The following LPIN1 variants were observed in gnomAD, a reference collection of about 807,000 sequenced individuals.
LPIN1 encodes the protein lipin 1.
Under a neutral mutation model 107.5 loss-of-function variants are expected in LPIN1, and 71 were observed. The ratio of observed to expected loss-of-function variants is 0.66; its 90% CI spans 0.55 to 0.80. The LOEUF is 0.80. Among genes scored for constraint, LPIN1 ranks in the 30% least tolerant of loss-of-function variants. LPIN1 has a pLI of 0.00. For missense variants in LPIN1, 1,043 were observed against 1,160.6 expected, an observed-to-expected ratio of 0.90 and a Z score of 1.47; for synonymous variants, 445 against 452.6, an observed-to-expected ratio of 0.98 and a Z score of 0.21.
rs567340134 is a variant in LPIN1, at chr2:11,680,816, G to C, written c.81+3088G>C. Among the ~76,000 whole-genome samples, 9 of 152,270 alleles carry C rather than the reference G, an allele frequency of 5.9e-5. No homozygotes were observed. In the South Asian group the frequency reaches 1.9e-3, roughly 32 times the overall value. ...TCAGGCACCCTGCCTATGAAAGATA[G>C]CAGGCAGTCACGGGCCGAATATGTA... On this transcript the variant is annotated intron_variant, in intron 1 of 21. Coordinates refer to the LPIN1 transcript ENST00000449576.
intron 1 of LPIN1, 81 bp downstream of exon 1, chr2:11,746,752 G>C (rs1666998758): frequency 3.1e-5 from 24 of 762,764 alleles, no homozygotes; most frequent in Non-Finnish European, 3.5e-5. Context: ...CGCGGCGCCG[G>C]GGCGCTGAGG....
chr2:11,760,003 C>CA (rs1669477081), intron 1 of LPIN1, among the ~76,000 whole-genome samples: 1 of 118,696 alleles, frequency 8.4e-6, no homozygotes. Context: ...ACTTCTCAGA[C>CA]GGGGCGGCCG....
chr2:11,771,704 G>A lies in LPIN1; in HGVS notation c.596+25G>A. The A allele has an allele frequency of 6.4e-7, 1 of 1,565,580 alleles. No homozygotes were observed. Among genetic ancestry groups the A allele is most frequent in the Non-Finnish European group, 8.7e-7 (1 of 1,153,254 alleles). ...GGTAATAACTGTCCAGGGTGGAGGG[G>A]CTGTGCCAGAATCAGACAGTTAACT... On this transcript the variant is annotated intron_variant, in intron 4 of 20. Transcript: ENST00000674199. This position sits in a 1 kb window ranked among gnomAD's most constrained non-coding sequence, Gnocchi z 4.8.
At chr2:11,822,150 G>T (rs1448183236) in intron 20 of LPIN1, among the ~76,000 whole-genome samples, 1 of 152,040 alleles carries the variant, frequency 6.6e-6, no homozygotes, top group Non-Finnish European at 1.5e-5. Context: ...AAGGATTTAG[G>T]CTGGGCACGA....
chr2:11,759,137 CTTTCTTT>C lies in LPIN1; in HGVS notation c.-9-6395_-9-6389del, dbSNP rs1669158026. On this transcript the variant is annotated intron_variant, in intron 1 of 20. Coordinates refer to ENST00000674199, the MANE Select transcript of LPIN1 (RefSeq NM_001349206.2). ...CTAGCTAGCTTGCTTTCTTTCTTTT[CTTTCTTT>C]CTTTCTTTCTTTCTTTCTTTCTTTC... is the stretch of plus-strand genomic sequence containing the variant. Among the ~76,000 whole-genome samples the C allele has an allele frequency of 1.3e-4, 5 of 39,658 alleles. No individual in the cohort carries two copies. The East Asian group carries it at 2.8e-3, about 22-fold the overall frequency. 26.0% of individuals were successfully genotyped at this position (39,658 alleles called of 152,430 possible).
chr2:11,718,029 C>G (rs900252669), intron 2 of LPIN1, among the ~76,000 whole-genome samples: 1 of 152,170 alleles, frequency 6.6e-6, no homozygotes, highest in African/African-American at 2.4e-5. Flanking sequence ...GTAGGTAACC[C>G]TGTTTTCCCA....
intron 1 of LPIN1, among the ~76,000 whole-genome samples, chr2:11,759,133 T>TTTCTTTC (rs1487717396): frequency 1.7e-4 from 23 of 131,534 alleles, no homozygotes; most frequent in African/African-American, 5.2e-4. Flanking sequence ...GCTTTCTTTC[T>TTTCTTTC]TTTCTTTCTT....
At chr2:11,724,335 C>T (rs938475910) in exon 1 of LPIN1, 33 of 985,620 alleles carry the variant, frequency 3.3e-5, no homozygotes, top group African/African-American at 5.2e-5. Flanking sequence ...AGAGCCCATG[C>T]GCAGGGCATG....
At chr2:11,726,979 G>C (rs1483889212) in intron 1 of LPIN1, among the ~76,000 whole-genome samples, 1 of 152,216 alleles carries the variant, frequency 6.6e-6, no homozygotes, top group East Asian at 1.9e-4. Context: ...CCTTTTCAGT[G>C]CCTGTTGGGC....
At chr2:11,784,439 G>C (rs1408315960) in intron 9 of LPIN1, 2 of 1,113,624 alleles carry the variant, frequency 1.8e-6, no homozygotes, top group East Asian at 6.9e-5. Flanking sequence ...GCGCAGCACC[G>C]GGCTGCCCTC....
intron 6 of LPIN1, among the ~76,000 whole-genome samples, chr2:11,778,456 G>T (rs1169384278): frequency 6.6e-6 from 1 of 152,214 alleles, no homozygotes; most frequent in African/African-American, 2.4e-5. Flanking sequence ...GTCCCTGTTT[G>T]TTGGATACAA....
chr2:11,813,704 CAG>C (rs1209712706), intron 17 of LPIN1, among the ~76,000 whole-genome samples: 2 of 151,972 alleles, frequency 1.3e-5, no homozygotes, highest in Admixed American at 1.3e-4. Flanking sequence ...CACCTGAGGT[CAG>C]GAGTTCAGGA....
chr2:11,775,930 TA>T (rs1672602448), intron 5 of LPIN1, among the ~76,000 whole-genome samples, 155 bp from the exon 6 acceptor site: 1 of 141,602 alleles, frequency 7.1e-6, no homozygotes, highest in African/African-American at 2.8e-5. Context: ...TATATAATCT[TA>T]TATATAGTCT....
chr2:11,753,741 G>A (rs1289389172), intron 1 of LPIN1, among the ~76,000 whole-genome samples: 10 of 152,194 alleles, frequency 6.6e-5, no homozygotes, highest in Non-Finnish European at 1.3e-4. Flanking sequence ...CCTCTTTGCC[G>A]TAAGTGTAAA....
intron 14 of LPIN1, 54 bp downstream of exon 14, chr2:11,795,541 A>G (rs1340798946): frequency 1.4e-6 from 2 of 1,476,610 alleles, no homozygotes; most frequent in South Asian, 1.1e-5. Flanking sequence ...ATCCAAGTTC[A>G]TGGCGTGTGC....
At chr2:11,813,662 C>T (rs1043278634) in intron 17 of LPIN1, among the ~76,000 whole-genome samples, 1 of 152,020 alleles carries the variant, frequency 6.6e-6, no homozygotes, top group Non-Finnish European at 1.5e-5. Flanking sequence ...TGCCTGTAAT[C>T]CCAGCATTTT....
intron 1 of LPIN1, among the ~76,000 whole-genome samples, chr2:11,736,574 C>A (rs891408241): frequency 6.6e-6 from 1 of 152,176 alleles, no homozygotes; most frequent in Non-Finnish European, 1.5e-5. Context: ...TTGGGGGGCA[C>A]AAAGATTCAG....
rs983905761 is a variant in LPIN1 at position 11,825,736 on chromosome 2, G to T, written c.*945G>T. The T allele has an allele frequency of 6.6e-6, 1 of 152,284 alleles. No homozygotes were observed. Among genetic ancestry groups the T allele is most frequent in the Non-Finnish European group, 1.5e-5 (1 of 68,028 alleles). The allele number at this position is 152,284 out of a possible 1,614,324, so 9.4% of individuals were successfully genotyped here. A position where few individuals can be genotyped will look rare whatever the true frequency, so the allele number is the denominator to read the frequency against. ...TGTTGGGAGCTCTCCAAAGAAACTG[G>T]TTGGTTTTAAGAAAATAGTTTCAAG... On this transcript the variant is annotated 3_prime_UTR_variant, in exon 21 of 21. Transcript: ENST00000674199. The surrounding 1 kb of genome is among the most constrained non-coding windows in gnomAD (Gnocchi z 4.1).
rs1389371432 is a variant in LPIN1, at chr2:11,786,847, C to A, written c.1550-227C>A. 6.6e-6 allele frequency among the ~76,000 whole-genome samples: 1 copy of A among 152,236 alleles called. No homozygotes were observed. The highest frequency in any genetic ancestry group is 6.5e-5 in the Admixed American group (1 of 15,294). ...TATGTGCCTCAACTAAGGTACACGT[C>A]CCCCAACATCCTCAGCCTTGCCCTG... On this transcript the variant is annotated intron_variant, in intron 10 of 20. Transcript: ENST00000674199. The surrounding 1 kb of genome is among the most constrained non-coding windows in gnomAD (Gnocchi z 4.1).
Sources: allele counts gnomAD v4.1 joint callset (sites outside exome capture counted in the v4.1 genomes callset), GRCh38; gene constraint gnomAD v4.1.1; non-coding constraint Gnocchi (gnomAD v3.1); transcripts MANE v1.5; gene names NCBI Gene and HGNC (gene_info 2026-07-23, HGNC 2026-07-21).